Variants in PLXDC2 observed in about 807,000 individuals in gnomAD.
PLXDC2 encodes plexin domain containing 2, also known as plexin domain-containing protein 2.
PLXDC2 carries 40 observed loss-of-function variants against 68.9 expected under a neutral mutation model. The observed-to-expected ratio is 0.58, with a 90% confidence interval of 0.45 to 0.76. PLXDC2 has a LOEUF of 0.76. Ranked by LOEUF, PLXDC2 falls within the 30% of genes least tolerant of loss-of-function variation. PLXDC2 has a pLI of 0.00. For synonymous variants in PLXDC2, 243 were observed against 234.2 expected, an observed-to-expected ratio of 1.04 and a Z score of -0.34; for missense variants, 644 against 661.9, an observed-to-expected ratio of 0.97 and a Z score of 0.30.
intron 12 of PLXDC2, among the ~76,000 whole-genome samples, chr10:20,234,523 T>A (rs1404126652): frequency 2.0e-5 from 3 of 152,194 alleles, no homozygotes; most frequent in Non-Finnish European, 4.4e-5. Context: ...AAGTACCCTG[T>A]ACAAGTGTTG....
chr10:20,119,530 G>A (rs1215313024), intron 4 of PLXDC2, among the ~76,000 whole-genome samples: 1 of 145,042 alleles, frequency 6.9e-6, no homozygotes, highest in Non-Finnish European at 1.5e-5. Flanking sequence ...GTTAACGCAG[G>A]AACCGGGGAT....
chr10:19,965,343 T>A (rs1006860680), intron 1 of PLXDC2, among the ~76,000 whole-genome samples: 1 of 152,186 alleles, frequency 6.6e-6, no homozygotes, highest in Admixed American at 6.5e-5. Context: ...CTGGATAATT[T>A]TGAATAATTG....
At chr10:19,992,243 A>G (rs1031484810) in intron 1 of PLXDC2, among the ~76,000 whole-genome samples, 5 of 152,240 alleles carry the variant, frequency 3.3e-5, no homozygotes, top group African/African-American at 1.2e-4. Flanking sequence ...CTAGGTGGGA[A>G]GAACCATATG....
At chr10:19,892,949 C>G (rs931815016) in intron 1 of PLXDC2, among the ~76,000 whole-genome samples, 17 of 142,564 alleles carry the variant, frequency 1.2e-4, no homozygotes, top group African/African-American at 4.1e-4. Flanking sequence ...GCCACTGTTA[C>G]AATTTGCCAT....
intron 1 of PLXDC2, among the ~76,000 whole-genome samples, chr10:19,895,685 T>C (rs1282911589): frequency 1.3e-5 from 2 of 152,090 alleles, no homozygotes; most frequent in African/African-American, 4.8e-5. Flanking sequence ...GACAGCTCAG[T>C]TCTGAAATTC....
At chr10:19,861,098 G>A (rs1837312263) in intron 1 of PLXDC2, among the ~76,000 whole-genome samples, 1 of 150,956 alleles carries the variant, frequency 6.6e-6, no homozygotes, top group Admixed American at 6.6e-5. Context: ...ACAGTGGCAT[G>A]ATCTCGGCTC....
At chr10:19,834,299 A>G (rs997844537) in intron 1 of PLXDC2, among the ~76,000 whole-genome samples, 7 of 151,900 alleles carry the variant, frequency 4.6e-5, no homozygotes, top group Admixed American at 4.6e-4. Context: ...TAGATCAAGA[A>G]CAGCACAAAA....
intron 1 of PLXDC2, among the ~76,000 whole-genome samples, chr10:19,940,191 C>G (rs912672240): frequency 6.7e-6 from 1 of 149,594 alleles, no homozygotes; most frequent in Admixed American, 6.6e-5. Flanking sequence ...ATTCTACATT[C>G]TGGGAGAATT....
chr10:20,016,422 C>G (rs1281241933), intron 2 of PLXDC2, among the ~76,000 whole-genome samples: 2 of 152,160 alleles, frequency 1.3e-5, no homozygotes, highest in African/African-American at 4.8e-5. Flanking sequence ...TTTTACTTGA[C>G]CATTTCCACA....
chr10:20,228,065 G>A (rs1835309959), intron 12 of PLXDC2, among the ~76,000 whole-genome samples: 1 of 152,118 alleles, frequency 6.6e-6, no homozygotes, highest in African/African-American at 2.4e-5. Context: ...AGGAAATACA[G>A]GAAGAGAAAG....
Position 19,894,623 on chromosome 10 carries a change from G to C in PLXDC2, c.112+77432G>C, listed in dbSNP as rs80264486. 2.5e-3 allele frequency among the ~76,000 whole-genome samples: 379 copies of C among 152,192 alleles called. 1 individual carries two copies. The highest frequency in any genetic ancestry group is 8.6e-3 in the African/African-American group (357 of 41,544). On this transcript the variant is annotated intron_variant, in intron 1 of 13. Transcript: ENST00000377252. ...AAGTATTTTTATTTTTATCTACAAT[G>C]TTACATCAGCACTATCAGGTTTTTT... is the stretch of plus-strand genomic sequence containing the variant.
chr10:20,260,866 T>A (rs1260945222), intron 13 of PLXDC2, among the ~76,000 whole-genome samples: 1 of 152,212 alleles, frequency 6.6e-6, no homozygotes. Flanking sequence ...TGTTATCTCT[T>A]GTCTTTTCAA....
In PLXDC2 at chr10:20,078,273, C is replaced by T. The variant is rs190931569; in HGVS notation, c.541+10034C>T. Among the ~76,000 whole-genome samples, 97 of 152,200 alleles carry T rather than the reference C, an allele frequency of 6.4e-4. 1 individual carries two copies. The East Asian group carries it at 0.018, about 28-fold the overall frequency. ...TGGTATGCTTCTGTAGTCCCAGCTT[C>T]TCAGGAGGCTGAGGCAGGAGGATGG... On this transcript the variant is annotated intron_variant, in intron 4 of 13. Transcript: ENST00000377252.
At chr10:20,043,094 ATACTTT>A (rs1835712468) in intron 2 of PLXDC2, among the ~76,000 whole-genome samples, 1 of 152,208 alleles carries the variant, frequency 6.6e-6, no homozygotes, top group Non-Finnish European at 1.5e-5. Flanking sequence ...CGTGTTTTGA[ATACTTT>A]ACTAGTGCTA....
chr10:19,927,713 C>CAAAGAAAAAAAAA (rs1833561766), intron 1 of PLXDC2, among the ~76,000 whole-genome samples: 3 of 53,142 alleles, frequency 5.6e-5, no homozygotes, highest in Non-Finnish European at 9.3e-5. Context: ...GGAAAAAAAG[C>CAAAGAAAAAAAAA]AAAAAAAAAA....
intron 9 of PLXDC2, among the ~76,000 whole-genome samples, chr10:20,196,332 G>A (rs1564349693): frequency 6.6e-6 from 1 of 152,132 alleles, no homozygotes; most frequent in Non-Finnish European, 1.5e-5. Context: ...ATTTCATGTG[G>A]ATTTTCTCTA....
intron 9 of PLXDC2, among the ~76,000 whole-genome samples, chr10:20,198,591 T>C (rs1834873648): frequency 6.6e-6 from 1 of 152,170 alleles, no homozygotes; most frequent in Non-Finnish European, 1.5e-5. Flanking sequence ...TCTGGTCATT[T>C]AACCCTAAGA....
chr10:20,045,807 A>C (rs534128224), intron 2 of PLXDC2, among the ~76,000 whole-genome samples: 1 of 152,282 alleles, frequency 6.6e-6, no homozygotes, highest in South Asian at 2.1e-4. Context: ...ATTTACCTGA[A>C]TGTTTTAAAA....
At chr10:19,970,491 G>A (rs1834331656) in intron 1 of PLXDC2, among the ~76,000 whole-genome samples, 1 of 152,142 alleles carries the variant, frequency 6.6e-6, no homozygotes, top group Non-Finnish European at 1.5e-5. Flanking sequence ...TATGATGAAA[G>A]CCCTGTTGGA....
Sources: allele counts gnomAD v4.1 joint callset (sites outside exome capture counted in the v4.1 genomes callset), GRCh38; gene constraint gnomAD v4.1.1; transcripts MANE v1.5; gene names NCBI Gene and HGNC (gene_info 2026-07-23, HGNC 2026-07-21).